The following CRIM1 variants were observed in gnomAD, a reference collection of about 807,000 sequenced individuals.
CRIM1 encodes cysteine-rich motor neuron 1 protein.
CRIM1 carries 32 observed loss-of-function variants against 116.4 expected under a neutral mutation model. The observed-to-expected ratio is 0.27, with a 90% CI of 0.21 to 0.37. The LOEUF (loss-of-function observed/expected upper bound fraction) is 0.37. CRIM1 is among the 10% of genes least tolerant of loss of function. The pLI is 1.00. For missense variants in CRIM1, 1,331 were observed against 1,354.8 expected (o/e 0.98, Z 0.28); for synonymous variants, 590 against 509.2 (o/e 1.16, Z -2.13).
At chr2:36,489,951 G>T (rs2125066776) in intron 7 of CRIM1, among the ~76,000 whole-genome samples, 1 of 152,300 alleles carries the variant, frequency 6.6e-6, no homozygotes, top group Admixed American at 6.5e-5. Context: ...CTCAGCAAAT[G>T]TGAAAGGCGT....
At chr2:36,409,782 G>T (rs1033704657) in intron 2 of CRIM1, among the ~76,000 whole-genome samples, 1 of 152,228 alleles carries the variant, frequency 6.6e-6, no homozygotes, top group African/African-American at 2.4e-5. Flanking sequence ...TGTAACTTAA[G>T]AAAGGTATTT....
intron 6 of CRIM1, among the ~76,000 whole-genome samples, chr2:36,478,716 G>A (rs1679177797): frequency 6.6e-6 from 1 of 152,176 alleles, no homozygotes; most frequent in Admixed American, 6.5e-5. Flanking sequence ...GTTGTTTGTT[G>A]AAGCCAGTTT....
rs1668806353 is a variant in CRIM1, at chr2:36,356,435, C to T, written c.143C>T (p.Pro48Leu). Residue 48 changes from proline to leucine, a missense_variant, in exon 1 of 17, where the codon CCC becomes CTC. Physicochemically the swap from Pro to Leu is moderately conservative, Grantham distance 98. Around this residue, in one of 3 missense-constraint regions of CRIM1, gnomAD observed 690 missense variants for 676.0 expected, o/e 1.02. Coordinates refer to ENST00000280527, the MANE Select transcript of CRIM1 (RefSeq NM_016441.3). The surrounding 1 kb of genome is among the most constrained non-coding windows in gnomAD (Gnocchi z 4.3). ...TGTGACGAGTCCAAGTGCGAGGAGC[C>T]CAGGAACTGCCCGGGGAGCATCGTG... is the stretch of plus-strand genomic sequence containing the variant. ...LPCDESKCEEPRNCPGSIVQG... is the reference protein window; with the variant it reads ...LPCDESKCEELRNCPGSIVQG... The T allele has an allele frequency of 6.2e-7, 1 of 1,611,684 alleles. No homozygotes were observed. The highest frequency in any genetic ancestry group is 8.5e-7 in the Non-Finnish European group (1 of 1,179,694).
rs116279706 is a variant in CRIM1, at chr2:36,471,906, C to G, written c.992-4983C>G. Among the ~76,000 whole-genome samples the G allele has an allele frequency of 2.2e-3, 336 of 152,280 alleles. 2 individuals are homozygous for G. Among genetic ancestry groups the G allele is most frequent in the South Asian group, 0.012 (56 of 4,828 alleles). On this transcript the variant is annotated intron_variant, in intron 5 of 16. Coordinates refer to ENST00000280527, the MANE Select transcript of CRIM1 (RefSeq NM_016441.3). ...CTGGGAAGCCAAAAAGTTTGTGTGA[C>G]TTGCTTGAGCTGGTCTGGAACTGAA...
chr2:36,420,111 T>C (rs529578119), intron 2 of CRIM1, among the ~76,000 whole-genome samples: 1 of 152,348 alleles, frequency 6.6e-6, no homozygotes, highest in East Asian at 1.9e-4. Context: ...CCTGCCCTCT[T>C]TCTTCTTCTG....
At position 36,402,494 on chromosome 2, in the gene CRIM1, A is replaced by G. The variant is rs555274931; in HGVS notation, c.505+5707A>G. 4.4e-3 allele frequency among the ~76,000 whole-genome samples: 674 copies of G among 152,078 alleles called. 3 individuals carry two copies. Among genetic ancestry groups the G allele is most frequent in the Non-Finnish European group, 7.1e-3 (481 of 67,976 alleles). ...ACCACCTGAGCCCTTGTAGAAGATG[A>G]TGAGATGTATGGATTTTGTGATGAG... On this transcript the variant is annotated intron_variant, in intron 2 of 16. Transcript: ENST00000280527.
chr2:36,382,602 G>C (rs1288519443), intron 1 of CRIM1, among the ~76,000 whole-genome samples: 1 of 152,220 alleles, frequency 6.6e-6, no homozygotes, highest in African/African-American at 2.4e-5. Flanking sequence ...TATTGGGCCT[G>C]CCAGCCCAGG....
At chr2:36,389,166 A>G (rs537250328) in intron 1 of CRIM1, among the ~76,000 whole-genome samples, 6 of 152,390 alleles carry the variant, frequency 3.9e-5, no homozygotes, top group African/African-American at 1.4e-4. Flanking sequence ...ACTGATAACC[A>G]TAAATTTGCC....
At chr2:36,372,705 C>T (rs1310860595) in intron 1 of CRIM1, among the ~76,000 whole-genome samples, 1 of 152,192 alleles carries the variant, frequency 6.6e-6, no homozygotes, top group South Asian at 2.1e-4. Flanking sequence ...CCCAAGTTTA[C>T]GATGCTCATC....
At chr2:36,548,426 A>G in intron 16 of CRIM1, 99 bp from the exon 17 acceptor site, 1 of 818,710 alleles carries the variant, frequency 1.2e-6, no homozygotes, top group Non-Finnish European at 1.9e-6. Flanking sequence ...GAATTGTGAA[A>G]CTGTTATCTC....
At chr2:36,456,796 C>T (rs1006074784) in intron 4 of CRIM1, among the ~76,000 whole-genome samples, 3 of 152,092 alleles carry the variant, frequency 2.0e-5, no homozygotes, top group African/African-American at 7.2e-5. Context: ...CACCACCCAC[C>T]GCTGGGGTTG....
intron 1 of CRIM1, among the ~76,000 whole-genome samples, chr2:36,366,644 A>T (rs1180124646): frequency 6.6e-6 from 1 of 152,200 alleles, no homozygotes; most frequent in Admixed American, 6.5e-5. Context: ...AACATCTCAG[A>T]TTCAAAACAG....
intron 1 of CRIM1, among the ~76,000 whole-genome samples, chr2:36,358,039 G>T (rs1025132021): frequency 3.9e-5 from 6 of 152,150 alleles, no homozygotes; most frequent in Admixed American, 6.5e-5. Flanking sequence ...GGGTTTTCTG[G>T]TTTGGAAGCT....
chr2:36,387,700 C>G (rs1025209114), intron 1 of CRIM1, among the ~76,000 whole-genome samples: 8 of 152,124 alleles, frequency 5.3e-5, no homozygotes, highest in African/African-American at 1.9e-4. Context: ...GAGTAACTTC[C>G]TGGTAAAACC....
At chr2:36,442,910 A>T (rs1183228257) in intron 4 of CRIM1, among the ~76,000 whole-genome samples, 175 bp downstream of exon 4, 2 of 152,212 alleles carry the variant, frequency 1.3e-5, no homozygotes, top group Admixed American at 1.3e-4. Context: ...TCCTCAGATC[A>T]AAACCAGGTG....
chr2:36,548,722 G>A lies in CRIM1; in HGVS notation c.*21G>A, dbSNP rs546070010. The A allele has an allele frequency of 2.8e-4, 438 of 1,555,540 alleles. 7 individuals carry two copies. The South Asian group carries it at 4.9e-3, about 17-fold the overall frequency. ...TGTGAAGAAAGGCAACTAGGATGAG[G>A]TTTCAAAAGACGGAAGACGACTAAA... On this transcript the variant is annotated 3_prime_UTR_variant, in exon 17 of 17. Transcript: ENST00000280527.
intron 8 of CRIM1, among the ~76,000 whole-genome samples, chr2:36,503,835 C>T (rs1401063098): frequency 6.6e-6 from 1 of 151,976 alleles, no homozygotes; most frequent in African/African-American, 2.4e-5. Flanking sequence ...GCATTTATAC[C>T]TGTTTTCTCT....
At chr2:36,493,376 A>G (rs927471576) in intron 7 of CRIM1, among the ~76,000 whole-genome samples, 1 of 152,246 alleles carries the variant, frequency 6.6e-6, no homozygotes, top group Non-Finnish European at 1.5e-5. Context: ...GCATAGGAAC[A>G]GAGGGTGCTG....
chr2:36,420,755 A>G (rs931847011), intron 2 of CRIM1, among the ~76,000 whole-genome samples: 6 of 152,230 alleles, frequency 3.9e-5, no homozygotes, highest in Non-Finnish European at 7.3e-5. Flanking sequence ...CGACACTGCA[A>G]CAGCTCTCAT....
Sources: gnomAD v4.1 joint callset for allele counts (sites outside exome capture counted in the v4.1 genomes callset) on GRCh38, gnomAD v4.1.1 for gene constraint, gnomAD v4.1.1 regional missense constraint, Gnocchi (gnomAD v3.1) non-coding constraint, MANE v1.5 for transcripts, NCBI Gene and HGNC (gene_info 2026-07-23, HGNC 2026-07-21) for gene names.